The following ANKRD13C variants were observed in gnomAD, a reference collection of about 807,000 sequenced individuals.
ANKRD13C encodes the protein ankyrin repeat domain-containing protein 13C.
ANKRD13C carries 16 observed loss-of-function variants against 65.5 expected under a neutral mutation model. The observed-to-expected ratio is 0.24, with a 90% confidence interval of 0.17 to 0.37. The LOEUF is 0.37. ANKRD13C is among the 10% of genes least tolerant of loss of function. The pLI is 1.00. For missense variants in ANKRD13C, 503 were observed against 655.9 expected (o/e 0.77, Z 2.55); for synonymous variants, 235 against 238.7 (o/e 0.98, Z 0.14).
At chr1:70,302,143 G>T (rs1680384327) in intron 6 of ANKRD13C, among the ~76,000 whole-genome samples, 1 of 151,958 alleles carries the variant, frequency 6.6e-6, no homozygotes, top group South Asian at 2.1e-4. Flanking sequence ...TAATAACTAG[G>T]GTTACATAGA....
intron 12 of ANKRD13C, among the ~76,000 whole-genome samples, chr1:70,264,645 A>G (rs1362822061): frequency 6.6e-6 from 1 of 152,156 alleles, no homozygotes; most frequent in East Asian, 1.9e-4. Flanking sequence ...AAAGCCTAAG[A>G]TATTTATTAT....
intron 12 of ANKRD13C, among the ~76,000 whole-genome samples, chr1:70,269,945 G>A (rs57928672): frequency 0.012 from 1,843 of 152,228 alleles, 42 homozygotes; most frequent in African/African-American, 0.042. Context: ...TGTTAAAGGA[G>A]CTCCTGAAGC....
intron 9 of ANKRD13C, among the ~76,000 whole-genome samples, chr1:70,291,761 C>G (rs1679877203): frequency 6.6e-6 from 1 of 151,986 alleles, no homozygotes; most frequent in Admixed American, 6.6e-5. Flanking sequence ...GAACCAAGAT[C>G]TTGCCACTGC....
chr1:70,283,685 G>A (rs1020623897), intron 9 of ANKRD13C, among the ~76,000 whole-genome samples: 12 of 151,964 alleles, frequency 7.9e-5, no homozygotes, highest in African/African-American at 2.4e-4. Flanking sequence ...TGTGGTGCCC[G>A]TAATCCCAGC....
At chr1:70,285,579 C>A (rs960363453) in intron 9 of ANKRD13C, among the ~76,000 whole-genome samples, 1 of 151,824 alleles carries the variant, frequency 6.6e-6, no homozygotes, top group African/African-American at 2.4e-5. Context: ...ATAGGTCTCT[C>A]CTCTTTCACC....
chr1:70,265,070 G>A (rs1357151051), intron 12 of ANKRD13C, among the ~76,000 whole-genome samples: 1 of 152,204 alleles, frequency 6.6e-6, no homozygotes, highest in Admixed American at 6.5e-5. Flanking sequence ...GATGAGGTCA[G>A]AGGGGAAATA....
At chr1:70,298,099 A>G (rs1431908466) in intron 7 of ANKRD13C, among the ~76,000 whole-genome samples, 1 of 152,178 alleles carries the variant, frequency 6.6e-6, no homozygotes, top group East Asian at 1.9e-4. Flanking sequence ...TATTCTTTAA[A>G]AAAAAGTTAG....
intron 2 of ANKRD13C, among the ~76,000 whole-genome samples, chr1:70,330,088 C>CAA (rs60663093): frequency 1.6e-4 from 12 of 77,048 alleles, no homozygotes; most frequent in South Asian, 8.2e-4. Context: ...TATTCCGTCT[C>CAA]AAAAAAAAAA....
rs888706007 is a variant in ANKRD13C, at chr1:70,288,230, G to A, written c.1215+4158C>T. ...TGAACACTACAGAATGAGTAACATA[G>A]AAAATAATGACAATACCAAAAGCTG... is the stretch of plus-strand genomic sequence containing the variant. On this transcript the variant is annotated intron_variant, in intron 9 of 12. Coordinates refer to ENST00000370944, the MANE Select transcript of ANKRD13C (RefSeq NM_030816.5). Among the ~76,000 whole-genome samples the A allele has an allele frequency of 1.2e-4, 18 of 152,256 alleles. No homozygotes were observed. In the East Asian group the frequency reaches 3.1e-3, roughly 26 times the overall value.
At chr1:70,282,506 CT>C (rs1252634942) in intron 9 of ANKRD13C, among the ~76,000 whole-genome samples, 1 of 152,280 alleles carries the variant, frequency 6.6e-6, no homozygotes, top group Admixed American at 6.5e-5. Context: ...AATCTTTTAT[CT>C]TGTTTAAGTC....
chr1:70,326,439 T>C (rs1404843912), intron 2 of ANKRD13C, among the ~76,000 whole-genome samples: 1 of 152,108 alleles, frequency 6.6e-6, no homozygotes, highest in African/African-American at 2.4e-5. Flanking sequence ...TAATGCAAGA[T>C]AATGATAAGT....
chr1:70,321,405 T>C (rs1323718450), intron 3 of ANKRD13C, among the ~76,000 whole-genome samples: 2 of 152,168 alleles, frequency 1.3e-5, no homozygotes, highest in Admixed American at 1.3e-4. Flanking sequence ...AGACTTCTAG[T>C]TCAATGTAAG....
In ANKRD13C at chr1:70,350,812, G is replaced by A. The variant is rs538345341; in HGVS notation, c.430+3167C>T. On this transcript the variant is annotated intron_variant, in intron 1 of 12. Transcript: ENST00000370944. ...GAGATTTATACTATATAACTTTAGT[G>A]ACGTTTCCTTGCCTCTCTAGGCTTA... Among the ~76,000 whole-genome samples, 13 of 152,264 alleles carry A rather than the reference G, an allele frequency of 8.5e-5. No individual in the cohort carries two copies. In the South Asian group the frequency reaches 2.7e-3, roughly 32 times the overall value.
At chr1:70,309,377 C>A (rs1680736920) in intron 5 of ANKRD13C, among the ~76,000 whole-genome samples, 1 of 150,768 alleles carries the variant, frequency 6.6e-6, no homozygotes, top group African/African-American at 2.4e-5. Flanking sequence ...CCAGCCTACT[C>A]CCCAATTTTC....
intron 3 of ANKRD13C, among the ~76,000 whole-genome samples, chr1:70,316,749 CAATT>C (rs1257496289): frequency 6.6e-6 from 1 of 151,932 alleles, no homozygotes; most frequent in Non-Finnish European, 1.5e-5. Flanking sequence ...CAAAATCAAT[CAATT>C]AATCCTTAAT....
intron 10 of ANKRD13C, among the ~76,000 whole-genome samples, chr1:70,275,476 T>C (rs1247407091): frequency 6.6e-6 from 1 of 151,940 alleles, no homozygotes; most frequent in African/African-American, 2.4e-5. Context: ...ACTTAGTTAC[T>C]ATGTTGACTC....
At chr1:70,336,584 T>C (rs1015341242) in intron 1 of ANKRD13C, among the ~76,000 whole-genome samples, 3 of 152,184 alleles carry the variant, frequency 2.0e-5, no homozygotes, top group African/African-American at 7.2e-5. Context: ...CTCATAACTT[T>C]GCAGAGAGTT....
chr1:70,313,306 A>G (rs1680925042), intron 5 of ANKRD13C, among the ~76,000 whole-genome samples: 1 of 152,256 alleles, frequency 6.6e-6, no homozygotes, highest in African/African-American at 2.4e-5. Context: ...AGGTAGGAGG[A>G]TCGCTTGAGC....
chr1:70,327,449 A>C (rs1226227591), intron 2 of ANKRD13C, among the ~76,000 whole-genome samples: 1 of 152,218 alleles, frequency 6.6e-6, no homozygotes, highest in Non-Finnish European at 1.5e-5. Flanking sequence ...CTTTTCAAAA[A>C]GTTGGGCACA....
Sources: allele counts gnomAD v4.1 joint callset (sites outside exome capture counted in the v4.1 genomes callset), GRCh38; gene constraint gnomAD v4.1.1; transcripts MANE v1.5; gene names NCBI Gene and HGNC (gene_info 2026-07-23, HGNC 2026-07-21).